The following PTPRT variants were observed in gnomAD, a reference collection of about 807,000 sequenced individuals.
The protein encoded by PTPRT is receptor-type tyrosine-protein phosphatase T.
A neutral mutation model predicts 176.8 loss-of-function variants in PTPRT; 56 were observed. That is an observed-to-expected ratio of 0.32 (90% CI 0.26 to 0.40). PTPRT has a LOEUF of 0.40. Ranked by LOEUF, PTPRT falls within the 10% of genes least tolerant of loss-of-function variation. The pLI, the probability that PTPRT is intolerant of heterozygous loss-of-function variation, is 1.00. For missense variants in PTPRT, 1,540 were observed against 1,908.2 expected (o/e 0.81, Z 3.60); for synonymous variants, 783 against 739.0 (o/e 1.06, Z -0.96).
chr20:42,741,627 T>G (rs913152631), intron 6 of PTPRT, among the ~76,000 whole-genome samples: 1 of 152,068 alleles, frequency 6.6e-6, no homozygotes, highest in Admixed American at 6.6e-5. Context: ...ATTACAGGCA[T>G]GAGCCACCAC....
intron 1 of PTPRT, among the ~76,000 whole-genome samples, chr20:42,946,455 C>A (rs1331320994): frequency 6.6e-6 from 1 of 152,186 alleles, no homozygotes. Flanking sequence ...AACTAACCAA[C>A]CCCAAAAGTT....
chr20:43,027,913 T>C (rs1191708592), intron 1 of PTPRT, among the ~76,000 whole-genome samples: 1 of 152,126 alleles, frequency 6.6e-6, no homozygotes, highest in Non-Finnish European at 1.5e-5. Flanking sequence ...CTTTCTGAGC[T>C]TCCAAAGAAT....
chr20:43,059,459 G>C (rs953596542), intron 1 of PTPRT, among the ~76,000 whole-genome samples: 2 of 152,108 alleles, frequency 1.3e-5, no homozygotes, highest in African/African-American at 4.8e-5. Flanking sequence ...AGAACATGAA[G>C]ACAATTCATT....
chr20:42,234,418 T>C (rs1279542613), intron 15 of PTPRT, among the ~76,000 whole-genome samples: 1 of 152,234 alleles, frequency 6.6e-6, no homozygotes, highest in Non-Finnish European at 1.5e-5. Context: ...GCTCATTCTC[T>C]TTCCACCATA....
intron 1 of PTPRT, among the ~76,000 whole-genome samples, chr20:43,141,488 T>G (rs773965928): frequency 3.3e-5 from 5 of 152,124 alleles, no homozygotes; most frequent in Non-Finnish European, 5.9e-5. Flanking sequence ...ACCCCAGGAA[T>G]AGCAAGTAAA....
chr20:42,881,117 A>G (rs2079004673), intron 2 of PTPRT, among the ~76,000 whole-genome samples: 1 of 152,174 alleles, frequency 6.6e-6, no homozygotes, highest in Non-Finnish European at 1.5e-5. Context: ...AGATTGCAAG[A>G]ACCAGAAAAC....
In PTPRT at chr20:42,823,009, C is replaced by T. The variant is rs372357224; in HGVS notation, c.215-31543G>A. Among the ~76,000 whole-genome samples, 13 of 152,240 alleles carry T rather than the reference C, an allele frequency of 8.5e-5. No homozygotes were observed. In the East Asian group the frequency reaches 1.2e-3, roughly 14 times the overall value. On this transcript the variant is annotated intron_variant, in intron 2 of 30. Coordinates refer to ENST00000373187, the MANE Select transcript of PTPRT (RefSeq NM_007050.6). ...CCTCAAGGATCTAGAGCCAGAAATA[C>T]CATTTGACCCAGCAATCCCATTACT... is the stretch of plus-strand genomic sequence containing the variant.
At chr20:42,429,082 T>A (rs2059192895) in intron 9 of PTPRT, among the ~76,000 whole-genome samples, 1 of 152,140 alleles carries the variant, frequency 6.6e-6, no homozygotes, top group Non-Finnish European at 1.5e-5. Flanking sequence ...TATTCACACT[T>A]AGTAGGAATC....
At chr20:42,942,643 C>T (rs541422078) in intron 1 of PTPRT, among the ~76,000 whole-genome samples, 1 of 152,222 alleles carries the variant, frequency 6.6e-6, no homozygotes, top group African/African-American at 2.4e-5. Flanking sequence ...ATAGTATGGG[C>T]GTATGATTGC....
chr20:42,803,279 C>T (rs893749746), intron 2 of PTPRT, among the ~76,000 whole-genome samples: 3 of 152,348 alleles, frequency 2.0e-5, no homozygotes, highest in Admixed American at 2.0e-4. Flanking sequence ...ATCCTTGGGC[C>T]CCAAGCTAGA....
intron 9 of PTPRT, among the ~76,000 whole-genome samples, chr20:42,434,735 G>A (rs1033639987): frequency 1.3e-5 from 2 of 151,286 alleles, no homozygotes; most frequent in African/African-American, 4.9e-5. Context: ...GCTGAGGCAT[G>A]TGGATCACTT....
chr20:42,038,444 A>G, the PTPRT span, among the ~76,000 whole-genome samples: 3 of 152,170 alleles, frequency 2.0e-5, no homozygotes, highest in South Asian at 4.1e-4. Context: ...TGTGGGAGGC[A>G]ATTGTGGAGA....
intron 7 of PTPRT, among the ~76,000 whole-genome samples, chr20:42,493,164 C>CT (rs2071591796): frequency 1.3e-5 from 2 of 152,180 alleles, no homozygotes; most frequent in Admixed American, 6.5e-5. Context: ...ACCTCTTACA[C>CT]TTACAAGTCA....
At chr20:43,105,690 G>A (rs1003490141) in intron 1 of PTPRT, among the ~76,000 whole-genome samples, 5 of 152,178 alleles carry the variant, frequency 3.3e-5, no homozygotes, top group African/African-American at 9.6e-5. Flanking sequence ...GTGAGCCACC[G>A]CACCCAGCCT....
chr20:42,475,471 C>T (rs376457382), intron 7 of PTPRT, among the ~76,000 whole-genome samples: 1 of 152,170 alleles, frequency 6.6e-6, no homozygotes, highest in East Asian at 1.9e-4. Context: ...GTGAGAGGCA[C>T]AGCCAAGATA....
intron 7 of PTPRT, among the ~76,000 whole-genome samples, chr20:42,629,854 G>A (rs1441391687): frequency 6.6e-6 from 1 of 152,180 alleles, no homozygotes; most frequent in East Asian, 1.9e-4. Flanking sequence ...AACAGCCACT[G>A]CTGAACACCT....
intron 9 of PTPRT, among the ~76,000 whole-genome samples, chr20:42,404,881 T>C (rs1174037924): frequency 1.3e-5 from 2 of 150,332 alleles, no homozygotes; most frequent in African/African-American, 4.9e-5. Flanking sequence ...AACTGAAGTA[T>C]GAGATTTTAT....
At chr20:42,834,139 T>G (rs1432134592) in intron 2 of PTPRT, among the ~76,000 whole-genome samples, 1 of 152,158 alleles carries the variant, frequency 6.6e-6, no homozygotes, top group Non-Finnish European at 1.5e-5. Context: ...TATTTGGATA[T>G]ATAAAGAACT....
intron 16 of PTPRT, among the ~76,000 whole-genome samples, chr20:42,165,738 G>T (rs887332726): frequency 6.6e-6 from 1 of 152,138 alleles, no homozygotes; most frequent in African/African-American, 2.4e-5. Flanking sequence ...ATTTACAGGT[G>T]GCTTATGTCT....
Sources: gnomAD v4.1 joint callset for allele counts (sites outside exome capture counted in the v4.1 genomes callset) on GRCh38, gnomAD v4.1.1 for gene constraint, MANE v1.5 for transcripts, NCBI Gene and HGNC (gene_info 2026-07-23, HGNC 2026-07-21) for gene names.